The following GAN variants were observed in gnomAD, a reference collection of about 807,000 sequenced individuals.
The protein encoded by GAN is gigaxonin.
GAN carries 48 observed loss-of-function variants against 71.3 expected under a neutral mutation model. The observed-to-expected ratio is 0.67, with a 90% CI of 0.53 to 0.86. The LOEUF is 0.86. Ranked by LOEUF, GAN falls within the 40% of genes least tolerant of loss-of-function variation. The pLI, the probability that GAN is intolerant of heterozygous loss-of-function variation, is 0.00. For missense variants in GAN, 928 were observed against 770.1 expected (o/e 1.21, Z -2.43); for synonymous variants, 386 against 276.8 (o/e 1.39, Z -3.92).
intron 1 of GAN, among the ~76,000 whole-genome samples, chr16:81,351,063 ATATT>A (rs1234662002): frequency 6.6e-6 from 1 of 152,246 alleles, no homozygotes; most frequent in Non-Finnish European, 1.5e-5. Context: ...TTTAAAATAT[ATATT>A]TCACGGATGC....
rs377611091 is a variant in GAN, at chr16:81,315,269, C to T, written c.156C>T (p.Ser52=). The change falls in exon 1 of 11, where the codon AGC becomes AGT. Residue 52 remains serine (S), a synonymous_variant. Coordinates refer to ENST00000648994, the MANE Select transcript of GAN (RefSeq NM_022041.4). ...AGAAGAACATCCTGGCGGCGGCCAG[C>T]CCGTACATCAGGTGGGGAGGGGGCT... ...PVQKNILAAA[S]PYIRTKLNYN... 38 of 1,564,152 alleles carry T rather than the reference C, an allele frequency of 2.4e-5. No homozygotes were observed. In the African/African-American group the frequency reaches 4.8e-4, roughly 20 times the overall value.
At chr16:81,344,201 G>C (rs948494239) in intron 1 of GAN, among the ~76,000 whole-genome samples, 3 of 152,156 alleles carry the variant, frequency 2.0e-5, no homozygotes, top group Admixed American at 2.0e-4. Flanking sequence ...GTAATTTATA[G>C]ATTTAATGCT....
rs1442671949 is a variant in GAN, at chr16:81,385,650, G to T, written c.*8054G>T. The T allele has an allele frequency of 2.0e-5, 3 of 152,264 alleles. No individual in the cohort carries two copies. Among genetic ancestry groups the T allele is most frequent in the Admixed American group, 1.3e-4 (2 of 15,286 alleles). 9.4% of individuals were successfully genotyped at this position (152,264 alleles called of 1,614,324 possible). A position where few individuals can be genotyped will look rare whatever the true frequency, so the allele number is the denominator to read the frequency against. On this transcript the variant is annotated 3_prime_UTR_variant, in exon 11 of 11. Coordinates refer to ENST00000648994, the MANE Select transcript of GAN (RefSeq NM_022041.4). ...TCAACATGGGGTGGTGGGAGGCCCT[G>T]TGGATGAGGCCAAGGCTGCCTGCAC...
chr16:81,315,374 C>G, intron 1 of GAN, 94 bp downstream of exon 1: 2 of 867,760 alleles, frequency 2.3e-6, no homozygotes, highest in Non-Finnish European at 3.1e-6. Flanking sequence ...ACCCTGTCCC[C>G]TGTCCCCGGC....
At chr16:81,348,067 G>C (rs1449714000) in intron 1 of GAN, among the ~76,000 whole-genome samples, 1 of 152,042 alleles carries the variant, frequency 6.6e-6, no homozygotes, top group Non-Finnish European at 1.5e-5. Context: ...TGCCCAGTCT[G>C]GTCTTGAACA....
intron 9 of GAN, among the ~76,000 whole-genome samples, chr16:81,375,792 C>G (rs920463146): frequency 7.9e-5 from 12 of 151,578 alleles, no homozygotes; most frequent in African/African-American, 2.9e-4. Flanking sequence ...ATGGTGAGAC[C>G]TCATCTCTAT....
At position 81,355,560 on chromosome 16, in the gene GAN, G is replaced by A. The variant is rs553928992; in HGVS notation, c.633+805G>A. The stretch of plus-strand genomic sequence containing the variant: ...TTGATTTTTGTAGAGACAGGGTCTC[G>A]CTGTGCTGCCCAGGCTGGTCTCAAA... On this transcript the variant is annotated intron_variant, in intron 3 of 10. Transcript: ENST00000648994. Among the ~76,000 whole-genome samples, 11 of 152,226 alleles carry A rather than the reference G, an allele frequency of 7.2e-5. No homozygotes were observed. In the South Asian group the frequency reaches 1.0e-3, roughly 14 times the overall value.
chr16:81,359,020 C>A (rs1215063808), intron 5 of GAN, among the ~76,000 whole-genome samples: 1 of 152,170 alleles, frequency 6.6e-6, no homozygotes, highest in Non-Finnish European at 1.5e-5. Flanking sequence ...TAAAGCTATA[C>A]TGTACCACAG....
intron 1 of GAN, among the ~76,000 whole-genome samples, chr16:81,348,198 T>G (rs1036210893): frequency 1.7e-4 from 26 of 152,152 alleles, no homozygotes; most frequent in Non-Finnish European, 2.9e-4. Flanking sequence ...TTCCTCAACT[T>G]TTTATCTTGA....
intron 9 of GAN, among the ~76,000 whole-genome samples, chr16:81,368,384 A>T (rs1003869329): frequency 6.6e-6 from 1 of 152,238 alleles, no homozygotes; most frequent in African/African-American, 2.4e-5. Context: ...GGATCCCTTG[A>T]GCCCAGGAGT....
At chr16:81,373,755 T>C (rs1904274528) in intron 9 of GAN, among the ~76,000 whole-genome samples, 1 of 152,200 alleles carries the variant, frequency 6.6e-6, no homozygotes, top group Admixed American at 6.5e-5. Flanking sequence ...TCTTCATTCT[T>C]TTTTTTGAGA....
chr16:81,346,108 T>C (rs1910110265), intron 1 of GAN, among the ~76,000 whole-genome samples: 1 of 152,218 alleles, frequency 6.6e-6, no homozygotes, highest in South Asian at 2.1e-4. Context: ...CTAAATTTTT[T>C]AGTGGCTGTT....
At chr16:81,315,754 G>A (rs1380710056) in intron 1 of GAN, among the ~76,000 whole-genome samples, 1 of 152,178 alleles carries the variant, frequency 6.6e-6, no homozygotes, top group Non-Finnish European at 1.5e-5. Context: ...ATCCACGCGC[G>A]GGGGCTGGGC....
Position 81,335,455 on chromosome 16 carries a change from A to C in GAN, c.168-16128A>C, listed in dbSNP as rs572011853. Among the ~76,000 whole-genome samples the C allele has an allele frequency of 2.0e-5, 3 of 152,186 alleles. No individual in the cohort carries two copies. The East Asian group carries it at 5.8e-4, about 29-fold the overall frequency. On this transcript the variant is annotated intron_variant, in intron 1 of 10. Transcript: ENST00000648994. ...AACATGGTGAAACCCTGTGTCTACT[A>C]AAAATACATGGCCGGGCATGGTGGC...
At chr16:81,359,675 C>T (rs532199237) in intron 5 of GAN, among the ~76,000 whole-genome samples, 1 of 152,186 alleles carries the variant, frequency 6.6e-6, no homozygotes, top group East Asian at 1.9e-4. Context: ...AGTAGATCCC[C>T]CTTATCAATG....
At chr16:81,317,256 C>A (rs1279107238) in intron 1 of GAN, among the ~76,000 whole-genome samples, 2 of 152,224 alleles carry the variant, frequency 1.3e-5, no homozygotes, top group Non-Finnish European at 2.9e-5. Flanking sequence ...TCTACCACAG[C>A]AAATGTGTAC....
At chr16:81,319,328 T>C (rs1909151143) in intron 1 of GAN, among the ~76,000 whole-genome samples, 1 of 151,890 alleles carries the variant, frequency 6.6e-6, no homozygotes, top group African/African-American at 2.4e-5. Flanking sequence ...GAAAGCTCCC[T>C]GCGGCTTGCA....
chr16:81,341,479 AT>A (rs950315165), intron 1 of GAN, among the ~76,000 whole-genome samples: 6 of 152,238 alleles, frequency 3.9e-5, no homozygotes, highest in African/African-American at 1.2e-4. Context: ...GGGGGCCAAT[AT>A]TCAACATTCT....
chr16:81,365,918 A>G (rs1910842345), intron 9 of GAN, among the ~76,000 whole-genome samples: 1 of 152,118 alleles, frequency 6.6e-6, no homozygotes, highest in African/African-American at 2.4e-5. Context: ...AACTTAGCAT[A>G]TATAGCCTTT....
Sources: gnomAD v4.1 joint callset for allele counts (sites outside exome capture counted in the v4.1 genomes callset) on GRCh38, gnomAD v4.1.1 for gene constraint, MANE v1.5 for transcripts, NCBI Gene and HGNC (gene_info 2026-07-23, HGNC 2026-07-21) for gene names.